LIMCH1: variants seen among roughly 807,000 people sequenced by gnomAD.
The protein encoded by LIMCH1 is LIM and calponin homology domains 1.
In LIMCH1, 113 loss-of-function variants were observed where a neutral mutation model predicts 176.5. The ratio of observed to expected loss-of-function variants is 0.64; its 90% CI spans 0.55 to 0.75. LIMCH1 has a LOEUF of 0.75. Ranked by LOEUF, LIMCH1 falls within the 30% of genes least tolerant of loss-of-function variation. The probability of loss-of-function intolerance (pLI) is 0.00; values close to 1 mark genes in which losing one functional copy is unlikely to be tolerated. For missense variants in LIMCH1, 1,674 were observed against 1,814.9 expected (o/e 0.92, Z 1.41); for synonymous variants, 619 against 645.9 (o/e 0.96, Z 0.63).
chr4:41,566,876 A>T (rs2082851421), intron 1 of LIMCH1, among the ~76,000 whole-genome samples: 1 of 152,212 alleles, frequency 6.6e-6, no homozygotes, highest in Non-Finnish European at 1.5e-5. Flanking sequence ...GAAATTGACC[A>T]CTTCCTTGTT....
At chr4:41,633,904 T>C in intron 13 of LIMCH1, 96 bp downstream of exon 13, 1 of 1,304,050 alleles carries the variant, frequency 7.7e-7, no homozygotes, top group African/African-American at 1.5e-5. Context: ...GCCGCTTACC[T>C]GCTGTTGCTA....
At chr4:41,456,039 T>TTTTG (rs1377738049) in intron 1 of LIMCH1, among the ~76,000 whole-genome samples, 1 of 151,994 alleles carries the variant, frequency 6.6e-6, no homozygotes, top group African/African-American at 2.4e-5. Context: ...TGTTTGTTTG[T>TTTTG]TTTGTTTGTT....
At chr4:41,474,072 G>A (rs1432699722) in intron 1 of LIMCH1, among the ~76,000 whole-genome samples, 2 of 152,050 alleles carry the variant, frequency 1.3e-5, no homozygotes, top group African/African-American at 4.8e-5. Context: ...CAGCTACTCG[G>A]GAGGTTGAGA....
At chr4:41,475,737 G>C (rs2154163219) in intron 1 of LIMCH1, among the ~76,000 whole-genome samples, 1 of 152,184 alleles carries the variant, frequency 6.6e-6, no homozygotes, top group Admixed American at 6.5e-5. Flanking sequence ...AGGGGAGGGA[G>C]AGCATTAGGA....
At chr4:41,538,022 T>C (rs1449302207), upstream of LIMCH1, 3 of 276,246 alleles carry the variant, frequency 1.1e-5, no homozygotes, top group Admixed American at 6.5e-5. Flanking sequence ...GACACAAAGC[T>C]CTCTGCACAA....
At chr4:41,426,790 G>A (rs2061149487) in intron 1 of LIMCH1, among the ~76,000 whole-genome samples, 2 of 152,350 alleles carry the variant, frequency 1.3e-5, no homozygotes, top group South Asian at 4.1e-4. Context: ...GCTGAAATTA[G>A]TGGAAAAATC....
At chr4:41,454,451 G>T (rs1047731622) in intron 1 of LIMCH1, among the ~76,000 whole-genome samples, 4 of 124,578 alleles carry the variant, frequency 3.2e-5, no homozygotes, top group Admixed American at 1.5e-4. Flanking sequence ...TGATGAGGGG[G>T]AGAGAGAGAG....
At chr4:41,604,116 G>A (rs2090358493) in intron 3 of LIMCH1, 4 of 778,648 alleles carry the variant, frequency 5.1e-6, no homozygotes, top group Non-Finnish European at 6.2e-6. Context: ...ATTTAGATAA[G>A]TGCTCAATCC....
At position 41,697,254 on chromosome 4, in the gene LIMCH1, A is replaced by T. The variant is rs147991826; in HGVS notation, c.*69A>T. The T allele has an allele frequency of 1.1e-4, 161 of 1,460,228 alleles. 1 individual carries two copies. The East Asian group carries it at 2.3e-3, about 21-fold the overall frequency. 90.5% of individuals were successfully genotyped at this position (1,460,228 alleles called of 1,614,324 possible). A position where few individuals can be genotyped will look rare whatever the true frequency, so the allele number is the denominator to read the frequency against. ...GAGTGTCCCCTGGCAACTGCTTAAC[A>T]AAATCCCAAGCTCAGGGGCTTCTCA... On this transcript the variant is annotated 3_prime_UTR_variant, in exon 32 of 32. Transcript: ENST00000503057.
intron 1 of LIMCH1, among the ~76,000 whole-genome samples, chr4:41,471,607 G>A (rs768155402): frequency 2.4e-4 from 36 of 152,246 alleles, no homozygotes; most frequent in East Asian, 1.4e-3. Context: ...AGTATCCAGC[G>A]TTTATCCTCC....
intron 1 of LIMCH1, among the ~76,000 whole-genome samples, chr4:41,453,306 A>G (rs1004974916): frequency 2.6e-5 from 4 of 152,218 alleles, no homozygotes; most frequent in Non-Finnish European, 5.9e-5. Context: ...ACCTAGTCAA[A>G]AATCTGTGTA....
intron 22 of LIMCH1, among the ~76,000 whole-genome samples, chr4:41,672,548 T>C (rs2095083325): frequency 6.6e-6 from 1 of 152,224 alleles, no homozygotes; most frequent in Non-Finnish European, 1.5e-5. Context: ...ACTCTCATTT[T>C]TGCACCCCTT....
At chr4:41,554,306 T>C (rs1427526291) in intron 1 of LIMCH1, among the ~76,000 whole-genome samples, 1 of 152,154 alleles carries the variant, frequency 6.6e-6, no homozygotes, top group Admixed American at 6.6e-5. Flanking sequence ...GCTGAATTGG[T>C]GGCTCTGCTG....
intron 20 of LIMCH1, 150 bp downstream of exon 20, chr4:41,663,134 CGTGTGTGTGTGTGT>C (rs60475434): frequency 0.013 from 5,467 of 406,518 alleles, 39 homozygotes; most frequent in Non-Finnish European, 0.019. Flanking sequence ...TTTTCTTTTT[CGTGTGTGTGTGTGT>C]GTGTGTGTGT....
chr4:41,565,602 CA>C (rs780688904), intron 1 of LIMCH1, among the ~76,000 whole-genome samples: 30 of 151,922 alleles, frequency 2.0e-4, no homozygotes, highest in Non-Finnish European at 3.5e-4. Flanking sequence ...AGAAGAATTC[CA>C]AGATGTTTAA....
rs778291005 is a variant in LIMCH1 at position 41,644,535 on chromosome 4, A to C, written c.2162A>C (p.Glu721Ala). The change falls in exon 15 of 32, where the codon GAG becomes GCG. Residue 721 changes from glutamate to alanine, a missense_variant. By Grantham distance (107) the Glu-to-Ala change is moderately radical (BLOSUM62 -1). This residue lies in a region of LIMCH1 where 1,015 missense variants were observed against 1,102.5 expected (regional missense o/e 0.92). Coordinates refer to ENST00000503057, the MANE Select transcript of LIMCH1 (RefSeq NM_001330672.2). ...ATGTTTGACATGCGGTGTGAGGAGG[A>C]GGCCGCGGTGCAGCCGCACAGCAGG... Reference protein sequence around the residue: ...TSMFDMRCEEEAAVQPHSRAR... With the variant: ...TSMFDMRCEEAAAVQPHSRAR... 1 of 1,595,852 alleles carries C rather than the reference A, an allele frequency of 6.3e-7. No individual in the cohort carries two copies. The highest frequency in any genetic ancestry group is 8.5e-7 in the Non-Finnish European group (1 of 1,171,500).
intron 1 of LIMCH1, among the ~76,000 whole-genome samples, chr4:41,374,366 AG>A (rs1275660574): frequency 6.6e-6 from 1 of 152,154 alleles, no homozygotes; most frequent in African/African-American, 2.4e-5. Context: ...AGAGTGCTCC[AG>A]GCATCTCCCA....
intron 1 of LIMCH1, among the ~76,000 whole-genome samples, chr4:41,392,877 C>A (rs2057398302): frequency 1.3e-5 from 2 of 151,942 alleles, no homozygotes; most frequent in Non-Finnish European, 2.9e-5. Flanking sequence ...CAAAAAAATA[C>A]AAAAATTAGC....
intron 21 of LIMCH1, chr4:41,670,618 T>C: frequency 1.3e-6 from 1 of 771,018 alleles, no homozygotes; most frequent in Non-Finnish European, 2.0e-6. Flanking sequence ...TGGTATTGAC[T>C]AGAGCCAAAC....
Sources: gnomAD v4.1 joint callset for allele counts (sites outside exome capture counted in the v4.1 genomes callset) on GRCh38, gnomAD v4.1.1 for gene constraint, gnomAD v4.1.1 regional missense constraint, MANE v1.5 for transcripts, NCBI Gene and HGNC (gene_info 2026-07-23, HGNC 2026-07-21) for gene names.